The following TTC6 variants were observed in gnomAD, a reference collection of about 807,000 sequenced individuals.
TTC6 encodes tetratricopeptide repeat protein 6.
Under a neutral mutation model 210.4 loss-of-function variants are expected in TTC6, and 172 were observed. That is an observed-to-expected ratio of 0.82 (90% confidence interval 0.72 to 0.93). TTC6 has a LOEUF of 0.93. TTC6 is among the 40% of genes least tolerant of loss of function. TTC6 has a pLI of 0.00. For synonymous variants in TTC6, 804 were observed against 819.6 expected (o/e 0.98, Z 0.32); for missense variants, 2,414 against 2,318.1 (o/e 1.04, Z -0.85).
intron 1 of TTC6, among the ~76,000 whole-genome samples, chr14:37,637,254 C>T (rs2095682719): frequency 6.6e-6 from 1 of 152,172 alleles, no homozygotes; most frequent in Non-Finnish European, 1.5e-5. Context: ...AAATCTCAGG[C>T]TAAGAGTCCT....
At chr14:37,738,907 C>A in exon 10 of TTC6, 8 of 1,535,290 alleles carry the variant, frequency 5.2e-6, no homozygotes, top group Non-Finnish European at 7.0e-6. Flanking sequence ...AGCTCCAGCT[C>A]ACTAAGCAAA....
chr14:37,839,342 C>T (rs558836121), intron 29 of TTC6, among the ~76,000 whole-genome samples: 1 of 152,290 alleles, frequency 6.6e-6, no homozygotes, highest in East Asian at 1.9e-4. Context: ...ATCATTCTAA[C>T]TGACATGAGA....
intron 20 of TTC6, among the ~76,000 whole-genome samples, chr14:37,803,271 T>C (rs1255440736): frequency 6.6e-6 from 1 of 152,218 alleles, no homozygotes; most frequent in African/African-American, 2.4e-5. Flanking sequence ...GCTTTCTAGA[T>C]ACTTCTCAAA....
intron 5 of TTC6, among the ~76,000 whole-genome samples, chr14:37,712,608 G>A (rs1266467610): frequency 6.6e-6 from 1 of 152,104 alleles, no homozygotes; most frequent in Non-Finnish European, 1.5e-5. Flanking sequence ...CAATCATGGT[G>A]GAAGGAGAAG....
chr14:37,616,191 T>C (rs8014699), intron 2 of TTC6, among the ~76,000 whole-genome samples: 1 of 152,130 alleles, frequency 6.6e-6, no homozygotes, highest in Admixed American at 6.5e-5. Context: ...GGGGTTTAGA[T>C]AGAATTTGGG....
In TTC6 at chr14:37,812,434, G is replaced by A. The variant is rs750045635; in HGVS notation, c.4689+1G>A. On this transcript the variant is annotated splice_donor_variant, in intron 25 of 30. Transcript: ENST00000553443. LOFTEE classifies it high-confidence loss of function. ...AGGCCAGTATGGCTTTGCACTAGAG[G>A]TAAGCCTTCCTGTTGTGTAACCCAC... 5 of 1,594,140 alleles carry A rather than the reference G, an allele frequency of 3.1e-6. No individual in the cohort carries two copies. The East Asian group carries it at 9.1e-5, about 29-fold the overall frequency.
chr14:37,694,682 T>G (rs1353622683), intron 3 of TTC6, among the ~76,000 whole-genome samples: 1 of 152,032 alleles, frequency 6.6e-6, no homozygotes, highest in Non-Finnish European at 1.5e-5. Context: ...AACCTAAGTG[T>G]CCGTCAACAG....
intron 1 of TTC6, among the ~76,000 whole-genome samples, chr14:37,672,221 T>G (rs1433149003): frequency 4.6e-5 from 7 of 152,110 alleles, no homozygotes. Flanking sequence ...TTCCCCTCCC[T>G]CCATCCCTTG....
chr14:37,671,499 T>C (rs756575136), intron 1 of TTC6, among the ~76,000 whole-genome samples: 15 of 152,148 alleles, frequency 9.9e-5, no homozygotes, highest in Non-Finnish European at 1.9e-4. Context: ...AACATCAGGA[T>C]AGGTGAACAC....
At chr14:37,808,304 G>A (rs1379036970) in intron 23 of TTC6, among the ~76,000 whole-genome samples, 1 of 152,090 alleles carries the variant, frequency 6.6e-6, no homozygotes, top group African/African-American at 2.4e-5. Context: ...GAATCAAAGA[G>A]GAAGCAAAAG....
intron 14 of TTC6, among the ~76,000 whole-genome samples, chr14:37,776,765 A>G (rs553774598): frequency 1.4e-5 from 2 of 145,258 alleles, no homozygotes; most frequent in East Asian, 2.3e-4. Context: ...GGTGACTATA[A>G]TGTCAGCTAC....
intron 29 of TTC6, chr14:37,837,506 T>C (rs908053537): frequency 6.2e-5 from 27 of 432,334 alleles, no homozygotes; most frequent in African/African-American, 5.3e-4. Context: ...AATTACCTAA[T>C]TAAGAGGAAG....
intron 27 of TTC6, among the ~76,000 whole-genome samples, chr14:37,825,435 G>A (rs1183525570): frequency 6.6e-6 from 1 of 152,022 alleles, no homozygotes; most frequent in African/African-American, 2.4e-5. Context: ...TGGTTAAAGT[G>A]AGTCAGCTTC....
rs1489762418 is a variant in TTC6, at chr14:37,735,064, C to A, written c.1819-857C>A. Among the ~76,000 whole-genome samples the A allele has an allele frequency of 8.6e-5, 13 of 151,994 alleles. No homozygotes were observed. In the East Asian group the frequency reaches 2.5e-3, roughly 29 times the overall value. On this transcript the variant is annotated intron_variant, in intron 7 of 30. Transcript: ENST00000553443. ...GTGACCAAGTATCTTTCTATTATGC[C>A]CAGTAATTATCTTACCATACATTGT...
At chr14:37,631,205 T>C (rs1170483625) in intron 1 of TTC6, among the ~76,000 whole-genome samples, 1 of 152,046 alleles carries the variant, frequency 6.6e-6, no homozygotes, top group African/African-American at 2.4e-5. Flanking sequence ...CTTCATAGTG[T>C]TGATGGTCTT....
chr14:37,651,414 TA>T (rs2095711810), intron 1 of TTC6, among the ~76,000 whole-genome samples: 3 of 27,498 alleles, frequency 1.1e-4, no homozygotes, highest in Admixed American at 3.3e-4. Context: ...TATATATATA[TA>T]TATATATATA....
intron 29 of TTC6, among the ~76,000 whole-genome samples, chr14:37,836,192 G>A (rs992968622): frequency 6.6e-6 from 1 of 152,134 alleles, no homozygotes; most frequent in Non-Finnish European, 1.5e-5. Context: ...AAATGTCAGA[G>A]TCAACCATAA....
intron 20 of TTC6, chr14:37,802,086 C>T (rs2139392102): frequency 6.6e-6 from 1 of 152,222 alleles, no homozygotes; most frequent in East Asian, 1.9e-4. Context: ...AGATCATGTC[C>T]TTTGCAGGGA....
chr14:37,630,192 T>G (rs553589894), intron 1 of TTC6, among the ~76,000 whole-genome samples: 10 of 152,324 alleles, frequency 6.6e-5, no homozygotes, highest in Admixed American at 6.5e-4. Flanking sequence ...TTTTAGATCT[T>G]TCCTGCTTTC....
Sources: gnomAD v4.1 joint callset for allele counts (sites outside exome capture counted in the v4.1 genomes callset) on GRCh38, gnomAD v4.1.1 for gene constraint, MANE v1.5 for transcripts, NCBI Gene and HGNC (gene_info 2026-07-23, HGNC 2026-07-21) for gene names.